TEX22: variants seen among roughly 807,000 people sequenced by gnomAD.
TEX22 encodes the protein testis expressed 22.
Under a neutral mutation model 11.3 loss-of-function variants are expected in TEX22, and 16 were observed. The observed-to-expected ratio is 1.42, with a 90% CI of 0.96 to 2.15. TEX22 has a LOEUF of 2.15. Ranked by LOEUF, TEX22 falls within the 30% of genes most tolerant of loss-of-function variation. The probability of loss-of-function intolerance (pLI) is 0.00; values close to 1 mark genes in which losing one functional copy is unlikely to be tolerated. For synonymous variants in TEX22, 97 were observed against 92.3 expected, an observed-to-expected ratio of 1.05 and a Z score of -0.29; for missense variants, 220 against 208.6, an observed-to-expected ratio of 1.05 and a Z score of -0.34.
At chr14:105,402,540 G>A (rs962122421) in intron 2 of TEX22, among the ~76,000 whole-genome samples, 60 of 151,854 alleles carry the variant, frequency 4.0e-4, no homozygotes, top group Middle Eastern at 6.8e-3. Context: ...AGATCACAAG[G>A]TCTGGAGATC....
At chr14:105,410,155 G>A (rs1281747186) in intron 2 of TEX22, among the ~76,000 whole-genome samples, 1 of 151,616 alleles carries the variant, frequency 6.6e-6, no homozygotes, top group Non-Finnish European at 1.5e-5. Flanking sequence ...TCGGCTCAGT[G>A]CAACCTCCAC....
At chr14:105,398,892 A>G (rs2081604560) in intron 1 of TEX22, among the ~76,000 whole-genome samples, 1 of 152,206 alleles carries the variant, frequency 6.6e-6, no homozygotes, top group Admixed American at 6.5e-5. Context: ...CAGGGTCGGA[A>G]GCGGGGCTGT....
chr14:105,399,293 T>C lies in TEX22; in HGVS notation c.-39-9T>C. The C allele has an allele frequency of 2.0e-6, 2 of 996,148 alleles. No individual in the cohort carries two copies. Among genetic ancestry groups the C allele is most frequent in the South Asian group, 1.4e-5 (1 of 70,536 alleles). 61.7% of individuals were successfully genotyped at this position (996,148 alleles called of 1,614,324 possible). On this transcript the variant is annotated splice_polypyrimidine_tract_variant and intron_variant, in intron 1 of 3. Coordinates refer to ENST00000451127, the MANE Select transcript of TEX22 (RefSeq NM_001195082.2). ...GCCCCGCCCCACCTCCCCCTGCTCC[T>C]ACCCCCAGATCTCAGAGGTGTGGAC... is the stretch of plus-strand genomic sequence containing the variant.
intron 2 of TEX22, among the ~76,000 whole-genome samples, chr14:105,408,670 C>T (rs989030700): frequency 1.3e-5 from 2 of 152,130 alleles, no homozygotes. Flanking sequence ...GTGATCTGCC[C>T]GCCTCGGCCT....
At chr14:105,407,779 T>C (rs1416742196) in intron 2 of TEX22, among the ~76,000 whole-genome samples, 1 of 152,196 alleles carries the variant, frequency 6.6e-6, no homozygotes, top group Non-Finnish European at 1.5e-5. Flanking sequence ...TGTTTTGTTA[T>C]CCTTTTGCTA....
At position 105,399,413 on chromosome 14, in the gene TEX22, C is replaced by T; in HGVS notation, c.73C>T (p.Pro25Ser). The T allele has an allele frequency of 6.5e-7, 1 of 1,535,850 alleles. No homozygotes were observed. Among genetic ancestry groups the T allele is most frequent in the Non-Finnish European group, 8.7e-7 (1 of 1,146,790 alleles). ...CCTCTCCCAAGAGCACAGGCGGCCC[C>T]CACTGGGCCTGATAGCAGCCTGGGG... Reference protein sequence around the residue: ...SHLSQEHRRPPLGLIAAWGQP... With the variant: ...SHLSQEHRRPSLGLIAAWGQP... Residue 25 changes from proline to serine, a missense_variant, in exon 2 of 4, where the codon CCA becomes TCA. Transcript: ENST00000451127.
rs1444075949 is a variant in TEX22, at chr14:105,413,237, G to C, written c.*1404G>C. The C allele has an allele frequency of 6.6e-6, 1 of 152,134 alleles. No homozygotes were observed. Among genetic ancestry groups the C allele is most frequent in the Non-Finnish European group, 1.5e-5 (1 of 68,084 alleles). 9.4% of individuals were successfully genotyped at this position (152,134 alleles called of 1,614,324 possible). On this transcript the variant is annotated 3_prime_UTR_variant, in exon 4 of 4. Coordinates refer to ENST00000451127, the MANE Select transcript of TEX22 (RefSeq NM_001195082.2). This position sits in a 1 kb window ranked among gnomAD's most constrained non-coding sequence, Gnocchi z 4.2. ...TAAGGGTGTGGGGAGTTTTGGGCAG[G>C]GCACTGTCCTTAAGGGTGTGGGGAG...
intron 3 of TEX22, 25 bp downstream of exon 3, chr14:105,411,521 G>GGGGGCCCCCCCCCCCCCC: frequency 4.4e-6 from 2 of 458,520 alleles, no homozygotes; most frequent in Non-Finnish European, 2.8e-6. Context: ...GGTCCTCCCC[G>GGGGGCCCCCCCCCCCCCC]CCCCGTCCCC....
chr14:105,405,140 AGTT>A (rs781829547), intron 2 of TEX22, among the ~76,000 whole-genome samples: 47 of 152,198 alleles, frequency 3.1e-4, no homozygotes, highest in Non-Finnish European at 3.8e-4. Flanking sequence ...AATCACAAAA[AGTT>A]AGCCAGGCAT....
intron 2 of TEX22, among the ~76,000 whole-genome samples, chr14:105,410,397 C>G (rs1356470663): frequency 6.6e-6 from 1 of 152,198 alleles, no homozygotes; most frequent in Non-Finnish European, 1.5e-5. Context: ...CTTTTTAAGG[C>G]TTAATAATAT....
In TEX22 at chr14:105,411,650, T is replaced by G. The variant is rs1220274057; in HGVS notation, c.280-10T>G. 4.1e-5 allele frequency: 63 copies of G among 1,521,576 alleles called. No individual in the cohort carries two copies. The Admixed American group carries it at 1.1e-3, about 26-fold the overall frequency. 94.3% of individuals were successfully genotyped at this position (1,521,576 alleles called of 1,614,324 possible). The stretch of plus-strand genomic sequence containing the variant: ...GCCCCTCGAGGCTCCCTGACCACCC[T>G]CGCCCGCAGGACGTCGTGCAGATGG... On this transcript the variant is annotated splice_polypyrimidine_tract_variant and intron_variant, in intron 3 of 3. Coordinates refer to ENST00000451127, the MANE Select transcript of TEX22 (RefSeq NM_001195082.2).
In TEX22 at chr14:105,408,676, G is replaced by A. The variant is rs28419155; in HGVS notation, c.151-2692G>A. Reference sequence around the variant, plus strand: ...TGACCTCTGGTGATCTGCCCGCCTCGGCCTCCCAAAATGCTGGGATTACAG... The same window carrying A: ...TGACCTCTGGTGATCTGCCCGCCTCAGCCTCCCAAAATGCTGGGATTACAG... On this transcript the variant is annotated intron_variant, in intron 2 of 3. Coordinates refer to ENST00000451127, the MANE Select transcript of TEX22 (RefSeq NM_001195082.2). Among the ~76,000 whole-genome samples, 34 of 152,090 alleles carry A rather than the reference G, an allele frequency of 2.2e-4. 1 individual carries two copies. The highest frequency in any genetic ancestry group is 1.7e-3 in the Admixed American group (26 of 15,284).
chr14:105,413,064 CT>C lies in TEX22; in HGVS notation c.*1233del, dbSNP rs1225701703. The C allele has an allele frequency of 6.6e-6, 1 of 152,450 alleles. No individual in the cohort carries two copies. The highest frequency in any genetic ancestry group is 1.5e-5 in the Non-Finnish European group (1 of 68,212). The allele number at this position is 152,450 out of a possible 1,614,324, so 9.4% of individuals were successfully genotyped here. ...GAAGTTCCCTCCTCCTTCAGGAAGC[CT>C]TCCAAGATTACACAGCCAGGTGCTC... On this transcript the variant is annotated 3_prime_UTR_variant, in exon 4 of 4. Coordinates refer to ENST00000451127, the MANE Select transcript of TEX22 (RefSeq NM_001195082.2). The surrounding 1 kb of genome is among the most constrained non-coding windows in gnomAD (Gnocchi z 4.2).
intron 2 of TEX22, among the ~76,000 whole-genome samples, chr14:105,404,161 G>T (rs2081646891): frequency 6.6e-6 from 1 of 152,254 alleles, no homozygotes; most frequent in Non-Finnish European, 1.5e-5. Flanking sequence ...GCTTGAGGAA[G>T]GCTGGAGACT....
At chr14:105,409,336 T>C (rs1363014334) in intron 2 of TEX22, among the ~76,000 whole-genome samples, 7 of 152,198 alleles carry the variant, frequency 4.6e-5, no homozygotes, top group Admixed American at 3.3e-4. Flanking sequence ...TCTAAAGATA[T>C]GAAAATATCT....
At chr14:105,402,482 T>A (rs111443109) in intron 2 of TEX22, among the ~76,000 whole-genome samples, 1 of 151,412 alleles carries the variant, frequency 6.6e-6, no homozygotes, top group Non-Finnish European at 1.5e-5. Context: ...TGGCCGGGTG[T>A]GGTGGCTCAC....
In TEX22 at chr14:105,399,365, C is replaced by G. The variant is rs914386508; in HGVS notation, c.25C>G (p.Arg9Gly). 1.3e-6 allele frequency: 2 copies of G among 1,535,748 alleles called. No individual in the cohort carries two copies. The highest frequency in any genetic ancestry group is 1.2e-5 in the South Asian group (1 of 84,058). MDSRKLSP[R>G]GKKLESHLSQ... ...GATGGACAGCAGGAAACTGTCCCCC[C>G]GGGGGAAGAAGCTGGAGTCGCACCT... Residue 9 changes from arginine (R) to glycine (G), a missense_variant, in exon 2 of 4, where the codon CGG becomes GGG. Physicochemically the swap from Arg to Gly is moderately radical, Grantham distance 125. Coordinates refer to ENST00000451127, the MANE Select transcript of TEX22 (RefSeq NM_001195082.2).
chr14:105,404,044 A>G (rs1277458572), intron 2 of TEX22, among the ~76,000 whole-genome samples: 1 of 152,204 alleles, frequency 6.6e-6, no homozygotes, highest in Non-Finnish European at 1.5e-5. Flanking sequence ...TTTTTATCTT[A>G]GTTTCCGTAG....
At chr14:105,398,970 G>T (rs587698359) in intron 1 of TEX22, among the ~76,000 whole-genome samples, 3 of 152,380 alleles carry the variant, frequency 2.0e-5, no homozygotes, top group African/African-American at 7.2e-5. Flanking sequence ...CGTGCCCGCA[G>T]TGCTGGCTGA....
Sources: allele counts gnomAD v4.1 joint callset (sites outside exome capture counted in the v4.1 genomes callset), GRCh38; gene constraint gnomAD v4.1.1; non-coding constraint Gnocchi (gnomAD v3.1); transcripts MANE v1.5; gene names NCBI Gene and HGNC (gene_info 2026-07-23, HGNC 2026-07-21).